The following CFAP107 variants were observed in gnomAD, a reference collection of about 807,000 sequenced individuals.
CFAP107 encodes cilia and flagella associated protein 107, also known as cilia- and flagella-associated protein 107.
the CFAP107 span, among the ~76,000 whole-genome samples, chr1:12,757,462 A>T: frequency 2.9e-4 from 44 of 150,402 alleles, no homozygotes; most frequent in African/African-American, 1.1e-3. Context: ...GCTCACTGAA[A>T]CCTCAGCCTC....
the CFAP107 span, among the ~76,000 whole-genome samples, chr1:12,751,039 G>C: frequency 6.6e-6 from 1 of 151,466 alleles, no homozygotes; most frequent in African/African-American, 2.4e-5. Flanking sequence ...AAACAACACT[G>C]TTTTAAAAAA....
the CFAP107 span, chr1:12,759,429 C>G: frequency 6.2e-7 from 1 of 1,614,022 alleles, no homozygotes; most frequent in African/African-American, 1.3e-5. Flanking sequence ...CTCCACTCCG[C>G]ACTTGGAATG....
chr1:12,760,877 T>C, the CFAP107 span: 1 of 1,614,120 alleles, frequency 6.2e-7, no homozygotes, highest in South Asian at 1.1e-5. Flanking sequence ...CAGACCACCG[T>C]TGTGCGCTAT....
the CFAP107 span, among the ~76,000 whole-genome samples, chr1:12,748,459 A>AT: frequency 6.0e-5 from 9 of 149,464 alleles, no homozygotes; most frequent in Non-Finnish European, 1.0e-4. Context: ...ATGTAGGGGA[A>AT]TTAAAAAAAA....
the CFAP107 span, among the ~76,000 whole-genome samples, chr1:12,752,511 G>C: frequency 8.0e-6 from 1 of 125,776 alleles, no homozygotes; most frequent in Non-Finnish European, 1.6e-5. Flanking sequence ...AGGTTGCAGT[G>C]AGCCAAGATC....
At chr1:12,757,457 C>T in the CFAP107 span, among the ~76,000 whole-genome samples, 4 of 150,486 alleles carry the variant, frequency 2.7e-5, no homozygotes, top group African/African-American at 9.8e-5. Flanking sequence ...TGTTGGCTCA[C>T]TGAAACCTCA....
chr1:12,748,678 A>T, the CFAP107 span, among the ~76,000 whole-genome samples: 1 of 151,062 alleles, frequency 6.6e-6, no homozygotes, highest in East Asian at 1.9e-4. Flanking sequence ...CACCAGACGT[A>T]TGAAGATACA....
chr1:12,746,596 C>A, the CFAP107 span: 2 of 1,294,778 alleles, frequency 1.5e-6, no homozygotes, highest in Non-Finnish European at 2.2e-6. Context: ...TGGGGAGAGG[C>A]AGGAGTGAAG....
the CFAP107 span, among the ~76,000 whole-genome samples, chr1:12,757,768 T>C: frequency 2.5e-3 from 376 of 152,278 alleles, 1 homozygote; most frequent in African/African-American, 8.9e-3. Flanking sequence ...TCCACACAGC[T>C]GCTTCAACTC....
the CFAP107 span, chr1:12,760,824 C>T: frequency 2.5e-6 from 4 of 1,614,058 alleles, no homozygotes; most frequent in African/African-American, 2.7e-5. Flanking sequence ...CAGCTCACAC[C>T]CAAGGCTGGC....
chr1:12,757,622 G>A, the CFAP107 span, among the ~76,000 whole-genome samples: 12 of 152,124 alleles, frequency 7.9e-5, no homozygotes, highest in Admixed American at 7.9e-4. Flanking sequence ...CTGGTCTCAA[G>A]TAATCTGCCC....
chr1:12,757,350 T>C, the CFAP107 span, among the ~76,000 whole-genome samples: 13 of 111,400 alleles, frequency 1.2e-4, no homozygotes, highest in African/African-American at 4.8e-4. Flanking sequence ...CTTTTCTCTT[T>C]TCTTTTCTTT....
the CFAP107 span, chr1:12,762,494 G>A: frequency 6.6e-6 from 1 of 152,092 alleles, no homozygotes; most frequent in African/African-American, 2.4e-5. Context: ...AGTCCTCTAT[G>A]TTTGTTGGAT....
the CFAP107 span, among the ~76,000 whole-genome samples, chr1:12,749,976 T>G: frequency 6.6e-6 from 1 of 152,222 alleles, no homozygotes; most frequent in South Asian, 2.1e-4. Flanking sequence ...ATTATAATTT[T>G]GGGATGTAAC....
At chr1:12,750,876 C>T in the CFAP107 span, among the ~76,000 whole-genome samples, 1 of 151,612 alleles carries the variant, frequency 6.6e-6, no homozygotes, top group Non-Finnish European at 1.5e-5. Flanking sequence ...ATGGAATATT[C>T]TCCAGGATAT....
chr1:12,746,499 A>C, the CFAP107 span: 1 of 1,613,726 alleles, frequency 6.2e-7, no homozygotes, highest in Non-Finnish European at 8.5e-7. Flanking sequence ...CCAAGTATTC[A>C]ACGAAAGTGC....
chr1:12,761,090 G>T, the CFAP107 span: 7 of 779,444 alleles, frequency 9.0e-6, no homozygotes, highest in Non-Finnish European at 7.8e-6. Context: ...ATCATCATCT[G>T]CATTTGGCGG....
the CFAP107 span, chr1:12,759,595 C>G: frequency 1.5e-6 from 2 of 1,293,742 alleles, no homozygotes; most frequent in African/African-American, 2.9e-5. Context: ...GACCCTGGCT[C>G]CAGGAGAGCA....
At chr1:12,759,113 G>T in the CFAP107 span, among the ~76,000 whole-genome samples, 6 of 152,180 alleles carry the variant, frequency 3.9e-5, no homozygotes, top group Admixed American at 3.9e-4. Context: ...ACTGCAGCCA[G>T]CTGGGATGTG....
Sources: gnomAD v4.1 joint callset for allele counts (sites outside exome capture counted in the v4.1 genomes callset) on GRCh38, gnomAD v4.1.1 for gene constraint, MANE v1.5 for transcripts, NCBI Gene and HGNC (gene_info 2026-07-23, HGNC 2026-07-21) for gene names.